Variants in ARMC8 observed in about 807,000 individuals in gnomAD.
The protein encoded by ARMC8 is armadillo repeat containing 8, also known as armadillo repeat-containing protein 8.
A neutral mutation model predicts 99.3 loss-of-function variants in ARMC8; 20 were observed. The ratio of observed to expected loss-of-function variants is 0.20; its 90% confidence interval spans 0.14 to 0.29. ARMC8 has a LOEUF of 0.29. Among genes scored for constraint, ARMC8 ranks in the 10% least tolerant of loss-of-function variants. The pLI, the probability that ARMC8 is intolerant of heterozygous loss-of-function variation, is 1.00. For synonymous variants in ARMC8, 263 were observed against 278.3 expected (o/e 0.95, Z 0.55); for missense variants, 569 against 809.5 (o/e 0.70, Z 3.60).
intron 3 of ARMC8, among the ~76,000 whole-genome samples, chr3:138,223,174 T>C (rs552641218): frequency 1.3e-5 from 2 of 152,332 alleles, no homozygotes; most frequent in Admixed American, 1.3e-4. Flanking sequence ...TTTTATAAAC[T>C]CTAAGAATAT....
intron 21 of ARMC8, among the ~76,000 whole-genome samples, chr3:138,291,409 C>A (rs2050938186): frequency 6.6e-6 from 1 of 152,182 alleles, no homozygotes; most frequent in Non-Finnish European, 1.5e-5. Flanking sequence ...CTTTGCTATC[C>A]CAGTCTCCTC....
At chr3:138,231,355 A>C (rs886727405) in intron 6 of ARMC8, among the ~76,000 whole-genome samples, 6 of 152,200 alleles carry the variant, frequency 3.9e-5, no homozygotes, top group Admixed American at 1.3e-4. Context: ...CATTAAGCTA[A>C]GATTAAATGA....
chr3:138,247,278 C>G (rs753679906), intron 12 of ARMC8, among the ~76,000 whole-genome samples: 1 of 104,950 alleles, frequency 9.5e-6, no homozygotes, highest in Non-Finnish European at 2.2e-5. Flanking sequence ...TGTGTAGATC[C>G]TTAAAGTACA....
At chr3:138,282,914 T>C (rs1336659040) in intron 18 of ARMC8, among the ~76,000 whole-genome samples, 1 of 152,192 alleles carries the variant, frequency 6.6e-6, no homozygotes, top group Non-Finnish European at 1.5e-5. Context: ...AGAGTATTGT[T>C]CCTACCAAGA....
At chr3:138,274,364 CAT>C (rs2108312673) in intron 17 of ARMC8, 83 bp from the exon 18 acceptor site, 1 of 831,614 alleles carries the variant, frequency 1.2e-6, no homozygotes, top group South Asian at 1.5e-5. Context: ...AGTTGTGAAT[CAT>C]ATTGTTTTAA....
intron 1 of ARMC8, among the ~76,000 whole-genome samples, chr3:138,207,515 A>G (rs141606134): frequency 3.3e-5 from 5 of 152,332 alleles, no homozygotes; most frequent in African/African-American, 1.2e-4. Flanking sequence ...GTGGAGCTAT[A>G]GACAGTAAAG....
At chr3:138,226,347 T>C (rs1466467975) in intron 5 of ARMC8, among the ~76,000 whole-genome samples, 1 of 152,238 alleles carries the variant, frequency 6.6e-6, no homozygotes. Flanking sequence ...CAGGGAGTCA[T>C]GCCTCATAAA....
chr3:138,192,950 C>G (rs1003873556), intron 1 of ARMC8, among the ~76,000 whole-genome samples: 1 of 152,010 alleles, frequency 6.6e-6, no homozygotes. Flanking sequence ...GTTTTAAAAG[C>G]TCTTTATAGG....
chr3:138,224,437 CT>C (rs1011150504), intron 5 of ARMC8, among the ~76,000 whole-genome samples: 12 of 152,242 alleles, frequency 7.9e-5, no homozygotes, highest in African/African-American at 2.9e-4. Flanking sequence ...ATGAGATCCT[CT>C]CACTAAAAAT....
At chr3:138,248,390 G>A (rs2046975328) in intron 12 of ARMC8, among the ~76,000 whole-genome samples, 1 of 152,186 alleles carries the variant, frequency 6.6e-6, no homozygotes, top group Non-Finnish European at 1.5e-5. Context: ...TGACAGCAAT[G>A]CCAAGTAAAA....
At chr3:138,281,102 A>G (rs1232876992) in intron 18 of ARMC8, among the ~76,000 whole-genome samples, 1 of 152,206 alleles carries the variant, frequency 6.6e-6, no homozygotes, top group Non-Finnish European at 1.5e-5. Flanking sequence ...AATTACCAAA[A>G]GAGACAGCAG....
intron 1 of ARMC8, among the ~76,000 whole-genome samples, chr3:138,189,462 A>G (rs1219900246): frequency 6.6e-6 from 1 of 152,210 alleles, no homozygotes; most frequent in Non-Finnish European, 1.5e-5. Flanking sequence ...CCAGAGCACC[A>G]TGTTTTGAAA....
In ARMC8 at chr3:138,296,030, G is replaced by C. The variant is rs1194118470; in HGVS notation, c.*138G>C. The stretch of plus-strand genomic sequence containing the variant: ...CTGTTTTGCAAAAGCAGTTTAGTAG[G>C]CTTAGATCTCAAATTCATCTTGAGA... On this transcript the variant is annotated 3_prime_UTR_variant, in exon 22 of 22. Transcript: ENST00000469044. The C allele has an allele frequency of 4.3e-6, 3 of 694,220 alleles. No individual in the cohort carries two copies. In the African/African-American group the frequency reaches 5.5e-5, roughly 13 times the overall value. 43.0% of individuals were successfully genotyped at this position (694,220 alleles called of 1,614,324 possible).
intron 10 of ARMC8, among the ~76,000 whole-genome samples, chr3:138,240,413 G>A (rs2046554400): frequency 6.6e-6 from 1 of 152,186 alleles, no homozygotes; most frequent in African/African-American, 2.4e-5. Context: ...TCTTCATAGA[G>A]TGCCACGGAC....
At chr3:138,277,096 C>A (rs1225878324) in intron 18 of ARMC8, among the ~76,000 whole-genome samples, 1 of 152,104 alleles carries the variant, frequency 6.6e-6, no homozygotes, top group African/African-American at 2.4e-5. Flanking sequence ...ACCAATGGAA[C>A]AGACTAGAGA....
intron 16 of ARMC8, among the ~76,000 whole-genome samples, chr3:138,271,267 C>T (rs2048762094): frequency 1.3e-5 from 2 of 152,108 alleles, no homozygotes; most frequent in African/African-American, 2.4e-5. Context: ...TTTTTAAACT[C>T]ACTTTCTACC....
intron 12 of ARMC8, chr3:138,246,728 A>C (rs1196218207): frequency 3.0e-6 from 3 of 985,416 alleles, no homozygotes; most frequent in Admixed American, 6.1e-5. Flanking sequence ...TAATGGCTTA[A>C]TTTGTGATAT....
Position 138,295,985 on chromosome 3 carries a change from T to TCACCTTGGACTGCAGGGAGC in ARMC8, c.*94_*113dup. ...ATTTGATTCCTTCTATTTGCACAAG[T>TCACCTTGGACTGCAGGGAGC]CACCTTGGACTGCAGGGAGCTGTTT... On this transcript the variant is annotated 3_prime_UTR_variant, in exon 22 of 22. Transcript: ENST00000469044. 7.0e-7 allele frequency: 1 copy of TCACCTTGGACTGCAGGGAGC among 1,420,048 alleles called. No homozygotes were observed. The highest frequency in any genetic ancestry group is 9.7e-7 in the Non-Finnish European group (1 of 1,026,710). 88.0% of individuals were successfully genotyped at this position (1,420,048 alleles called of 1,614,324 possible).
chr3:138,201,477 T>TTTTTTTTTTTTC (rs1456840327), intron 1 of ARMC8, among the ~76,000 whole-genome samples: 1 of 101,926 alleles, frequency 9.8e-6, no homozygotes, highest in African/African-American at 4.0e-5. Flanking sequence ...TTTTTTTTTT[T>TTTTTTTTTTTTC]CCTGAGACAG....
Sources: allele counts gnomAD v4.1 joint callset (sites outside exome capture counted in the v4.1 genomes callset), GRCh38; gene constraint gnomAD v4.1.1; transcripts MANE v1.5; gene names NCBI Gene and HGNC (gene_info 2026-07-23, HGNC 2026-07-21).